Variants in SMC5 observed in about 807,000 individuals in gnomAD.
The protein encoded by SMC5 is structural maintenance of chromosomes 5.
A neutral mutation model predicts 148.3 loss-of-function variants in SMC5; 88 were observed. The ratio of observed to expected loss-of-function variants is 0.59; its 90% confidence interval spans 0.50 to 0.71. The LOEUF is 0.71. SMC5 is among the 30% of genes least tolerant of loss of function. SMC5 has a pLI of 0.00. For synonymous variants in SMC5, 421 were observed against 432.8 expected, an observed-to-expected ratio of 0.97 and a Z score of 0.34; for missense variants, 1,142 against 1,298.9, an observed-to-expected ratio of 0.88 and a Z score of 1.86.
At chr9:70,295,773 G>A (rs2035185815) in intron 8 of SMC5, among the ~76,000 whole-genome samples, 1 of 152,094 alleles carries the variant, frequency 6.6e-6, no homozygotes, top group Non-Finnish European at 1.5e-5. Context: ...ACTTTATATG[G>A]TAGGCCAGTG....
chr9:70,291,541 C>A (rs137876766), intron 8 of SMC5, among the ~76,000 whole-genome samples: 219 of 152,300 alleles, frequency 1.4e-3, no homozygotes, highest in Non-Finnish European at 2.6e-3. Context: ...CCAGGAATTT[C>A]CAAAACCTCA....
At chr9:70,332,174 A>G (rs144637328) in intron 17 of SMC5, among the ~76,000 whole-genome samples, 3 of 152,196 alleles carry the variant, frequency 2.0e-5, no homozygotes, top group Non-Finnish European at 4.4e-5. Flanking sequence ...AAACTTTACC[A>G]CTAAGAGAAC....
chr9:70,291,348 C>T (rs2035055967), intron 8 of SMC5, among the ~76,000 whole-genome samples: 2 of 152,286 alleles, frequency 1.3e-5, no homozygotes, highest in South Asian at 4.1e-4. Context: ...CATTTTTCTT[C>T]AATAAATGCT....
rs376497125 is a variant in SMC5 at position 70,289,363 on chromosome 9, G to A, written c.1053+3092G>A. On this transcript the variant is annotated intron_variant, in intron 8 of 24. Transcript: ENST00000361138. ...TGATTTAGTGATTTTTAAGGTGTCA[G>A]TATCTCCTTCTATGAGTATAGGTTT... Among the ~76,000 whole-genome samples the A allele has an allele frequency of 4.6e-5, 7 of 152,210 alleles. No individual in the cohort carries two copies. The East Asian group carries it at 1.2e-3, about 25-fold the overall frequency.
intron 17 of SMC5, among the ~76,000 whole-genome samples, chr9:70,333,907 A>G (rs1412260352): frequency 6.6e-6 from 1 of 152,172 alleles, no homozygotes; most frequent in East Asian, 1.9e-4. Flanking sequence ...ATTCAATAAA[A>G]TTCCCAGCCA....
intron 8 of SMC5, among the ~76,000 whole-genome samples, chr9:70,293,930 A>G (rs911809224): frequency 6.6e-6 from 1 of 152,110 alleles, no homozygotes; most frequent in South Asian, 2.1e-4. Flanking sequence ...TTGACTTGTG[A>G]TGGCTTGGAA....
chr9:70,267,048 T>TC (rs2034309328), intron 2 of SMC5, among the ~76,000 whole-genome samples: 1 of 147,032 alleles, frequency 6.8e-6, no homozygotes, highest in Admixed American at 6.8e-5. Flanking sequence ...TTTTTTTTTT[T>TC]CTCCCATCTT....
chr9:70,267,292 C>G (rs1470494813), intron 2 of SMC5, among the ~76,000 whole-genome samples: 1 of 152,068 alleles, frequency 6.6e-6, no homozygotes, highest in African/African-American at 2.4e-5. Context: ...GATTTAAGAT[C>G]CAGTCTGATT....
chr9:70,308,750 A>T (rs926659888), intron 11 of SMC5, among the ~76,000 whole-genome samples: 1 of 151,988 alleles, frequency 6.6e-6, no homozygotes, highest in Non-Finnish European at 1.5e-5. Flanking sequence ...TCACTGTCTA[A>T]TTTTAAAATA....
intron 20 of SMC5, among the ~76,000 whole-genome samples, 183 bp downstream of exon 20, chr9:70,347,344 A>G (rs951596135): frequency 3.3e-4 from 50 of 152,188 alleles, no homozygotes; most frequent in Non-Finnish European, 1.3e-4. Context: ...AATCTATTAG[A>G]ATTTTAAATA....
chr9:70,347,667 C>A lies in SMC5; in HGVS notation c.2719C>A (p.Leu907Ile). Residue 907 changes from leucine to isoleucine, a missense_variant, in exon 21 of 25, where the codon CTA (leucine) becomes ATA (isoleucine). Leu to Ile is a conservative substitution (Grantham distance 5). This residue lies in a region of SMC5 where 743 missense variants were observed against 835.7 expected (regional missense o/e 0.89). Coordinates refer to ENST00000361138, the MANE Select transcript of SMC5 (RefSeq NM_015110.4). ...AGAAATAGAACAGTTAACTGAGGAA[C>A]TAAAGGGAAAGAAAGTTGAACTAGA... ...EEEIEQLTEE[L>I]KGKKVELDQY... The A allele has an allele frequency of 6.3e-7, 1 of 1,585,322 alleles. No individual in the cohort carries two copies. The highest frequency in any genetic ancestry group is 8.5e-7 in the Non-Finnish European group (1 of 1,170,632).
chr9:70,308,590 C>CAAAAAAA (rs59441324), intron 11 of SMC5, among the ~76,000 whole-genome samples: 1 of 72,238 alleles, frequency 1.4e-5, no homozygotes, highest in African/African-American at 5.4e-5. Context: ...GACTCTGTCT[C>CAAAAAAA]AAAAAAAAAA....
intron 8 of SMC5, among the ~76,000 whole-genome samples, chr9:70,287,359 T>C (rs2034933328): frequency 1.3e-5 from 2 of 152,152 alleles, no homozygotes; most frequent in Non-Finnish European, 2.9e-5. Context: ...CTCTTTATGG[T>C]TAAAAGTAAG....
intron 12 of SMC5, 58 bp from the exon 13 acceptor site, chr9:70,315,388 C>A: frequency 7.7e-7 from 1 of 1,300,402 alleles, no homozygotes; most frequent in Non-Finnish European, 1.0e-6. Flanking sequence ...TTATCAACTC[C>A]CAGATTTTTT....
chr9:70,310,089 C>T (rs938936547), intron 11 of SMC5, among the ~76,000 whole-genome samples: 1 of 152,210 alleles, frequency 6.6e-6, no homozygotes, highest in East Asian at 1.9e-4. Flanking sequence ...CTCAGGTGAT[C>T]TGCCCACCTC....
In SMC5 at chr9:70,284,740, G is replaced by A. The variant is rs148538436; in HGVS notation, c.982-1460G>A. Among the ~76,000 whole-genome samples, 448 of 152,286 alleles carry A rather than the reference G, an allele frequency of 2.9e-3. 2 individuals are homozygous for A. The highest frequency in any genetic ancestry group is 0.01 in the African/African-American group (428 of 41,566). On this transcript the variant is annotated intron_variant, in intron 7 of 24. Coordinates refer to ENST00000361138, the MANE Select transcript of SMC5 (RefSeq NM_015110.4). ...ATTATTTTCCTAAAGAAATAATTCT[G>A]AAGTGGTACCTTATGTCAGTCTATA... is the stretch of plus-strand genomic sequence containing the variant.
intron 1 of SMC5, among the ~76,000 whole-genome samples, chr9:70,259,910 G>C (rs943040360): frequency 1.2e-4 from 18 of 148,258 alleles, no homozygotes; most frequent in African/African-American, 4.2e-4. Flanking sequence ...GCACCTTCCA[G>C]TTCATTTGTT....
intron 8 of SMC5, among the ~76,000 whole-genome samples, chr9:70,288,309 T>G (rs866239119): frequency 6.6e-6 from 1 of 152,146 alleles, no homozygotes; most frequent in Admixed American, 6.6e-5. Context: ...TGGTAAATAA[T>G]TTAATACTCT....
intron 8 of SMC5, among the ~76,000 whole-genome samples, chr9:70,297,577 T>C (rs751321269): frequency 2.0e-5 from 3 of 152,208 alleles, no homozygotes; most frequent in Non-Finnish European, 2.9e-5. Context: ...ATCTTTATTA[T>C]CATTTTTATT....
Sources: gnomAD v4.1 joint callset for allele counts (sites outside exome capture counted in the v4.1 genomes callset) on GRCh38, gnomAD v4.1.1 for gene constraint, gnomAD v4.1.1 regional missense constraint, MANE v1.5 for transcripts, NCBI Gene and HGNC (gene_info 2026-07-23, HGNC 2026-07-21) for gene names.